Variants in AIG1 observed in about 807,000 individuals in gnomAD.
The protein encoded by AIG1 is androgen induced 1, also known as androgen-induced gene 1 protein.
In AIG1, 23 loss-of-function variants were observed where a neutral mutation model predicts 31.4. That is an observed-to-expected ratio of 0.73 (90% CI 0.53 to 1.04). AIG1 has a LOEUF of 1.04. Among genes scored for constraint, AIG1 ranks in the 50% least tolerant of loss-of-function variants. The pLI is 0.00. For missense variants in AIG1, 274 were observed against 295.0 expected, an observed-to-expected ratio of 0.93 and a Z score of 0.52; for synonymous variants, 100 against 110.5, an observed-to-expected ratio of 0.90 and a Z score of 0.60.
chr6:143,215,384 G>A (rs1187781007), intron 3 of AIG1, among the ~76,000 whole-genome samples: 2 of 152,042 alleles, frequency 1.3e-5, no homozygotes, highest in Non-Finnish European at 2.9e-5. Context: ...CAGAACAATA[G>A]ACTCTTATTT....
At chr6:143,186,878 C>T (rs374681211) in intron 3 of AIG1, 2 of 162,156 alleles carry the variant, frequency 1.2e-5, no homozygotes, top group Admixed American at 1.2e-4. Context: ...GAGCTCTACT[C>T]ATAGGAAACG....
intron 2 of AIG1, among the ~76,000 whole-genome samples, chr6:143,158,581 A>G (rs1786022134): frequency 6.6e-6 from 1 of 152,154 alleles, no homozygotes; most frequent in South Asian, 2.1e-4. Flanking sequence ...AAGGAAAGAG[A>G]GCTTTCAGTC....
intron 1 of AIG1, among the ~76,000 whole-genome samples, chr6:143,091,768 G>T (rs938831313): frequency 6.6e-6 from 1 of 152,098 alleles, no homozygotes; most frequent in African/African-American, 2.4e-5. Flanking sequence ...TAAAGTTAAA[G>T]GTTCCAAATA....
chr6:143,096,244 C>T (rs778649661), intron 1 of AIG1, among the ~76,000 whole-genome samples: 1 of 152,116 alleles, frequency 6.6e-6, no homozygotes, highest in Non-Finnish European at 1.5e-5. Context: ...GTTAAAGTTA[C>T]AGAGAAATAA....
intron 3 of AIG1, among the ~76,000 whole-genome samples, chr6:143,254,449 G>A (rs977693202): frequency 6.6e-6 from 1 of 152,148 alleles, no homozygotes; most frequent in Admixed American, 6.5e-5. Flanking sequence ...CCACCGCGAG[G>A]CAAAGTCCTA....
intron 4 of AIG1, among the ~76,000 whole-genome samples, chr6:143,322,802 T>C (rs1462752908): frequency 6.6e-6 from 1 of 152,202 alleles, no homozygotes; most frequent in Non-Finnish European, 1.5e-5. Context: ...AGGAATTCAT[T>C]CTGGGAGGCA....
chr6:143,173,067 T>G (rs1194714435), intron 3 of AIG1, among the ~76,000 whole-genome samples: 1 of 151,350 alleles, frequency 6.6e-6, no homozygotes, highest in East Asian at 1.9e-4. Flanking sequence ...CTTCATTTAG[T>G]TTTTTTTTGA....
intron 4 of AIG1, among the ~76,000 whole-genome samples, chr6:143,308,762 A>G (rs770456421): frequency 3.3e-5 from 5 of 152,204 alleles, no homozygotes; most frequent in Admixed American, 6.5e-5. Context: ...TCTCCTTCCT[A>G]TACGATACCT....
At chr6:143,064,728 C>T (rs1345911301) in intron 1 of AIG1, among the ~76,000 whole-genome samples, 1 of 152,136 alleles carries the variant, frequency 6.6e-6, no homozygotes, top group East Asian at 1.9e-4. Flanking sequence ...CAAGTTTTTT[C>T]CTACTTCATC....
chr6:143,189,605 C>T, intron 3 of AIG1: 1 of 985,310 alleles, frequency 1.0e-6, no homozygotes, highest in Non-Finnish European at 1.2e-6. Flanking sequence ...AGAAATATTT[C>T]ATTGTTTTAC....
In AIG1 at chr6:143,330,207, C is replaced by T. The variant is rs1344367576; in HGVS notation, c.516-3075C>T. Among the ~76,000 whole-genome samples, 2 of 152,090 alleles carry T rather than the reference C, an allele frequency of 1.3e-5. No individual in the cohort carries two copies. The highest frequency in any genetic ancestry group is 2.9e-5 in the Non-Finnish European group (2 of 68,030). On this transcript the variant is annotated intron_variant, in intron 4 of 5. Transcript: ENST00000357847. This position sits in a 1 kb window ranked among gnomAD's most constrained non-coding sequence, Gnocchi z 4.4. ...AACATAATTGGACAAAATTCCTTTG[C>T]TCATTGAATAGACAATAAACAGACA... is the stretch of plus-strand genomic sequence containing the variant.
chr6:143,278,370 T>G (rs1247505968), intron 3 of AIG1, among the ~76,000 whole-genome samples: 1 of 152,208 alleles, frequency 6.6e-6, no homozygotes, highest in East Asian at 1.9e-4. Context: ...TTAAATTGCA[T>G]AGTGAAAAGT....
At chr6:143,259,851 T>C (rs1795624926) in intron 3 of AIG1, among the ~76,000 whole-genome samples, 1 of 152,074 alleles carries the variant, frequency 6.6e-6, no homozygotes, top group African/African-American at 2.4e-5. Context: ...TGATCATAAA[T>C]TTAGTTTTGG....
chr6:143,163,709 A>T (rs1413825539), intron 2 of AIG1, among the ~76,000 whole-genome samples: 1 of 152,180 alleles, frequency 6.6e-6, no homozygotes, highest in African/African-American at 2.4e-5. Flanking sequence ...TCCAACTGTC[A>T]GCAAAAGTGC....
At chr6:143,296,184 G>C (rs1345498714) in intron 4 of AIG1, among the ~76,000 whole-genome samples, 1 of 152,006 alleles carries the variant, frequency 6.6e-6, no homozygotes, top group East Asian at 1.9e-4. Flanking sequence ...TTGAATTTCA[G>C]CTTTATTGTC....
intron 3 of AIG1, among the ~76,000 whole-genome samples, chr6:143,233,428 C>T (rs1338798562): frequency 1.3e-5 from 2 of 151,892 alleles, no homozygotes; most frequent in Admixed American, 6.6e-5. Flanking sequence ...ATGAACCCTG[C>T]TTATGTATTG....
At chr6:143,186,309 G>A (rs1468543532) in intron 3 of AIG1, among the ~76,000 whole-genome samples, 3 of 152,154 alleles carry the variant, frequency 2.0e-5, no homozygotes, top group South Asian at 2.1e-4. Flanking sequence ...TTTCATTCAA[G>A]CAAGGATGTT....
At chr6:143,282,337 T>G (rs772785975) in intron 3 of AIG1, among the ~76,000 whole-genome samples, 47 of 152,346 alleles carry the variant, frequency 3.1e-4, no homozygotes, top group Non-Finnish European at 5.6e-4. Context: ...TTATGTAAGA[T>G]TTGATAAGAC....
chr6:143,189,362 A>G lies in AIG1; in HGVS notation c.399+24179A>G, dbSNP rs891573419. The stretch of plus-strand genomic sequence containing the variant: ...TTCCTGAAGTCCTAGGATTACATGC[A>G]TGAGCTACCACACCCAGCCCCTGCT... On this transcript the variant is annotated intron_variant, in intron 3 of 5. Coordinates refer to ENST00000357847, the MANE Select transcript of AIG1 (RefSeq NM_016108.4). 4 of 967,252 alleles carry G rather than the reference A, an allele frequency of 4.1e-6. No individual in the cohort carries two copies. The African/African-American group carries it at 5.3e-5, about 13-fold the overall frequency. The allele number at this position is 967,252 out of a possible 1,614,324, so 59.9% of individuals were successfully genotyped here. A position where few individuals can be genotyped will look rare whatever the true frequency, so the allele number is the denominator to read the frequency against.
Sources: allele counts gnomAD v4.1 joint callset (sites outside exome capture counted in the v4.1 genomes callset), GRCh38; gene constraint gnomAD v4.1.1; non-coding constraint Gnocchi (gnomAD v3.1); transcripts MANE v1.5; gene names NCBI Gene and HGNC (gene_info 2026-07-23, HGNC 2026-07-21).